STEAP1B: variants seen among roughly 807,000 people sequenced by gnomAD.
STEAP1B encodes the protein STEAP family member 1B.
In STEAP1B, 13 loss-of-function variants were observed where a neutral mutation model predicts 27.9. The observed-to-expected ratio is 0.47, with a 90% CI of 0.30 to 0.74. The LOEUF (loss-of-function observed/expected upper bound fraction) is 0.74, where lower values mean the gene tolerates loss of function less well. Among genes scored for constraint, STEAP1B ranks in the 30% least tolerant of loss-of-function variants. STEAP1B has a pLI of 0.06. For missense variants in STEAP1B, 250 were observed against 298.7 expected (o/e 0.84, Z 1.20); for synonymous variants, 86 against 107.1 (o/e 0.80, Z 1.22).
intron 3 of STEAP1B, 86 bp downstream of exon 3, chr7:22,493,238 G>A (rs1418436449): frequency 2.0e-5 from 27 of 1,375,392 alleles, no homozygotes; most frequent in Non-Finnish European, 2.4e-5. Flanking sequence ...AACAGGGTTG[G>A]GGTATTGATA....
At chr7:22,456,806 G>A (rs1431119367) in intron 4 of STEAP1B, among the ~76,000 whole-genome samples, 2 of 150,978 alleles carry the variant, frequency 1.3e-5, no homozygotes, top group Non-Finnish European at 2.9e-5. Flanking sequence ...GTGCCACAGG[G>A]ATGGCTAGCT....
At chr7:22,464,596 T>C (rs1785738850) in intron 4 of STEAP1B, among the ~76,000 whole-genome samples, 1 of 152,030 alleles carries the variant, frequency 6.6e-6, no homozygotes, top group African/African-American at 2.4e-5. Context: ...ATTGAGGTCA[T>C]TAGGGTGAGC....
intron 4 of STEAP1B, among the ~76,000 whole-genome samples, chr7:22,453,141 G>T (rs1001047540): frequency 6.6e-6 from 1 of 152,080 alleles, no homozygotes; most frequent in Non-Finnish European, 1.5e-5. Flanking sequence ...CCAACCAACT[G>T]CGACAGGATT....
chr7:22,473,038 G>T (rs1785911450), intron 4 of STEAP1B, among the ~76,000 whole-genome samples: 2 of 152,270 alleles, frequency 1.3e-5, no homozygotes, highest in South Asian at 4.2e-4. Context: ...CCTTCAGAAA[G>T]TTGATCCTGA....
At chr7:22,458,516 G>A (rs904471699) in intron 4 of STEAP1B, among the ~76,000 whole-genome samples, 4 of 152,188 alleles carry the variant, frequency 2.6e-5, no homozygotes, top group African/African-American at 4.8e-5. Context: ...AGTCAGCAGT[G>A]GTATGAATAT....
At chr7:22,444,743 T>C (rs1001268276) in intron 4 of STEAP1B, among the ~76,000 whole-genome samples, 1 of 152,202 alleles carries the variant, frequency 6.6e-6, no homozygotes, top group Non-Finnish European at 1.5e-5. Context: ...CCGGAACACT[T>C]GCTGTTTTGT....
chr7:22,434,461 T>C (rs1165371922), intron 4 of STEAP1B, among the ~76,000 whole-genome samples: 1 of 152,256 alleles, frequency 6.6e-6, no homozygotes, highest in Non-Finnish European at 1.5e-5. Context: ...GATTTGTATG[T>C]AATTCTTGAA....
At chr7:22,419,993 C>G (rs2077640160) in intron 4 of STEAP1B, among the ~76,000 whole-genome samples, 157 bp from the exon 5 acceptor site, 1 of 152,220 alleles carries the variant, frequency 6.6e-6, no homozygotes, top group African/African-American at 2.4e-5. Flanking sequence ...GCCTAGAATT[C>G]TGGCGTGGTC....
At chr7:22,424,319 A>T (rs1352179468) in intron 4 of STEAP1B, among the ~76,000 whole-genome samples, 1 of 152,212 alleles carries the variant, frequency 6.6e-6, no homozygotes, top group Non-Finnish European at 1.5e-5. Flanking sequence ...TAATAAAAAC[A>T]TAGTAAGATC....
At chr7:22,490,640 T>G (rs1009750278) in intron 4 of STEAP1B, among the ~76,000 whole-genome samples, 4 of 152,246 alleles carry the variant, frequency 2.6e-5, no homozygotes, top group African/African-American at 9.6e-5. Context: ...TTATCCACAA[T>G]ACTTGGAAGC....
intron 1 of STEAP1B, among the ~76,000 whole-genome samples, chr7:22,499,617 A>G (rs1052172465): frequency 6.6e-6 from 1 of 152,184 alleles, no homozygotes; most frequent in Admixed American, 6.5e-5. Context: ...TTTGGAGGGA[A>G]CCTGAACCCC....
intron 4 of STEAP1B, among the ~76,000 whole-genome samples, chr7:22,422,660 A>AT (rs1203552729): frequency 8.5e-5 from 13 of 152,052 alleles, no homozygotes; most frequent in African/African-American, 3.1e-4. Context: ...GGCTCGGCTA[A>AT]TTTTTTGTAT....
chr7:22,448,153 C>A (rs1785434887), intron 4 of STEAP1B, among the ~76,000 whole-genome samples: 1 of 152,150 alleles, frequency 6.6e-6, no homozygotes, highest in Non-Finnish European at 1.5e-5. Context: ...ACCTACATAT[C>A]CTCTTGAACC....
intron 4 of STEAP1B, among the ~76,000 whole-genome samples, chr7:22,459,283 A>G (rs1380028799): frequency 5.3e-5 from 8 of 152,228 alleles, no homozygotes; most frequent in Non-Finnish European, 1.2e-4. Flanking sequence ...TTACCTTATA[A>G]ACTTCTTATT....
Position 22,488,978 on chromosome 7 carries a change from A to G in STEAP1B, c.762+3587T>C, listed in dbSNP as rs186401575. Reference sequence around the variant, plus strand: ...ACTAGGAGTTGCAAAGACCGGATGCAGTACCCTTGGATAAGTTCTCTTCTA... The same window carrying G: ...ACTAGGAGTTGCAAAGACCGGATGCGGTACCCTTGGATAAGTTCTCTTCTA... On this transcript the variant is annotated intron_variant, in intron 4 of 4. Transcript: ENST00000678116. Among the ~76,000 whole-genome samples, 57 of 152,354 alleles carry G rather than the reference A, an allele frequency of 3.7e-4. No homozygotes were observed. In the East Asian group the frequency reaches 0.011, roughly 28 times the overall value.
At chr7:22,454,549 A>T (rs1785540896) in intron 4 of STEAP1B, among the ~76,000 whole-genome samples, 1 of 152,120 alleles carries the variant, frequency 6.6e-6, no homozygotes, top group Non-Finnish European at 1.5e-5. Flanking sequence ...GCTGGCTGCC[A>T]TGCACTGCAG....
chr7:22,438,735 C>A, intron 4 of STEAP1B: 1 of 1,551,546 alleles, frequency 6.4e-7, no homozygotes, highest in African/African-American at 1.4e-5. Context: ...ACAAAGCTAC[C>A]AGGCTTCCAG....
At chr7:22,478,711 T>G (rs1786016019) in intron 4 of STEAP1B, among the ~76,000 whole-genome samples, 1 of 152,194 alleles carries the variant, frequency 6.6e-6, no homozygotes, top group Non-Finnish European at 1.5e-5. Context: ...ATCACTGCAG[T>G]AATGGAGACG....
intron 4 of STEAP1B, among the ~76,000 whole-genome samples, chr7:22,483,567 T>C (rs750998439): frequency 6.6e-5 from 10 of 152,240 alleles, no homozygotes; most frequent in Non-Finnish European, 1.3e-4. Flanking sequence ...CAACAACATG[T>C]GCTCACTTCA....
Sources: allele counts gnomAD v4.1 joint callset (sites outside exome capture counted in the v4.1 genomes callset), GRCh38; gene constraint gnomAD v4.1.1; transcripts MANE v1.5; gene names NCBI Gene and HGNC (gene_info 2026-07-23, HGNC 2026-07-21).